PLCG2: variants seen among roughly 807,000 people sequenced by gnomAD.
PLCG2 encodes the protein phospholipase C gamma 2.
Under a neutral mutation model 175.6 loss-of-function variants are expected in PLCG2, and 69 were observed. The ratio of observed to expected loss-of-function variants is 0.39; its 90% confidence interval spans 0.32 to 0.48. PLCG2 has a LOEUF of 0.48. PLCG2 is among the 20% of genes least tolerant of loss of function. The pLI is 0.91. For missense variants in PLCG2, 1,798 were observed against 1,650.9 expected (o/e 1.09, Z -1.54); for synonymous variants, 827 against 624.0 (o/e 1.33, Z -4.85).
chr16:81,875,112 C>T (rs1907716390), intron 7 of PLCG2, among the ~76,000 whole-genome samples: 2 of 151,922 alleles, frequency 1.3e-5, no homozygotes, highest in South Asian at 2.1e-4. Context: ...TACAGGCATG[C>T]ACCATCACGC....
At chr16:81,839,365 AT>A in intron 2 of PLCG2, among the ~76,000 whole-genome samples, 1 of 152,190 alleles carries the variant, frequency 6.6e-6, no homozygotes, top group South Asian at 2.1e-4. Context: ...AAAAAAAAAA[AT>A]CTCTATATAG....
At chr16:81,740,750 A>AAAC (rs1909574286) in intron 1 of PLCG2, among the ~76,000 whole-genome samples, 3 of 144,970 alleles carry the variant, frequency 2.1e-5, no homozygotes, top group Admixed American at 7.0e-5. Context: ...AAAAAAAAAA[A>AAAC]AAAAAAAAAA....
At chr16:81,850,380 C>T (rs1906344907) in intron 2 of PLCG2, among the ~76,000 whole-genome samples, 2 of 152,148 alleles carry the variant, frequency 1.3e-5, no homozygotes, top group Admixed American at 1.3e-4. Context: ...AGTTTCAGTG[C>T]ACGAAAAGGA....
At chr16:81,877,943 C>G (rs971884382) in intron 7 of PLCG2, among the ~76,000 whole-genome samples, 1 of 146,094 alleles carries the variant, frequency 6.8e-6, no homozygotes, top group African/African-American at 2.5e-5. Context: ...GTGTGCTTCT[C>G]TGTCTCCAAA....
chr16:81,895,531 G>A lies in PLCG2; in HGVS notation c.1073-276G>A, dbSNP rs147905221. 4.4e-4 allele frequency: 159 copies of A among 360,918 alleles called. No individual in the cohort carries two copies. The East Asian group carries it at 8.5e-3, about 19-fold the overall frequency. 22.4% of individuals were successfully genotyped at this position (360,918 alleles called of 1,614,324 possible). On this transcript the variant is annotated intron_variant, in intron 12 of 32. Coordinates refer to ENST00000564138, the MANE Select transcript of PLCG2 (RefSeq NM_002661.5). ...GCCGAGATTGTGCCACTGCACTCCA[G>A]CCTGGGCAACAGAGCGAGACTCTGT...
chr16:81,901,234 G>A (rs1460936352), intron 14 of PLCG2, among the ~76,000 whole-genome samples: 7 of 152,172 alleles, frequency 4.6e-5, no homozygotes, highest in East Asian at 1.9e-4. Context: ...TGTGGGAGGC[G>A]GGCAGTTGCT....
chr16:81,843,438 T>A (rs181167432), intron 2 of PLCG2, among the ~76,000 whole-genome samples: 556 of 152,260 alleles, frequency 3.7e-3, no homozygotes, highest in African/African-American at 0.011. Context: ...TTGCAATATA[T>A]TACATCATAT....
chr16:81,766,537 C>CT (rs1372198307), intron 2 of PLCG2, among the ~76,000 whole-genome samples: 3 of 152,096 alleles, frequency 2.0e-5, no homozygotes, highest in African/African-American at 7.2e-5. Context: ...TCCAAGAAGC[C>CT]TTTGTGACCA....
intron 3 of PLCG2, among the ~76,000 whole-genome samples, chr16:81,857,259 T>C (rs1400165466): frequency 2.0e-5 from 3 of 152,210 alleles, no homozygotes; most frequent in Non-Finnish European, 4.4e-5. Flanking sequence ...TGAAAAGCCT[T>C]CAAGTGATTC....
At chr16:81,791,776 G>C (rs1486752763) in intron 2 of PLCG2, among the ~76,000 whole-genome samples, 3 of 152,132 alleles carry the variant, frequency 2.0e-5, no homozygotes, top group Non-Finnish European at 2.9e-5. Flanking sequence ...TGTTGGCCAG[G>C]CTGGTCTTGA....
intron 2 of PLCG2, among the ~76,000 whole-genome samples, chr16:81,770,432 G>T (rs753001127): frequency 4.3e-4 from 66 of 152,294 alleles, no homozygotes; most frequent in African/African-American, 1.6e-3. Flanking sequence ...TAATTTTTTG[G>T]CCTGGTGTGG....
chr16:81,843,042 G>T (rs1179466016), intron 2 of PLCG2, among the ~76,000 whole-genome samples: 2 of 150,446 alleles, frequency 1.3e-5, no homozygotes, highest in Non-Finnish European at 3.0e-5. Context: ...TGGGAAGGGG[G>T]TGGGGTTGTG....
At chr16:81,803,631 TC>T (rs55850521) in intron 2 of PLCG2, among the ~76,000 whole-genome samples, 1 of 52,352 alleles carries the variant, frequency 1.9e-5, no homozygotes, top group Non-Finnish European at 3.8e-5. Context: ...TTTCTTTTCT[TC>T]TTCCCTCCCT....
rs762278218 is a variant in PLCG2, at chr16:81,803,113, CTTTTTTT to C, written c.193+16946_193+16952del. ...ACAATACATGGCTTTTTGCATTTCA[CTTTTTTT>C]TTTTTTTTTTTTTTGTGAGACGGAA... On this transcript the variant is annotated intron_variant, in intron 2 of 32. Transcript: ENST00000564138. 6.3e-3 allele frequency among the ~76,000 whole-genome samples: 824 copies of C among 131,390 alleles called. 4 individuals carry two copies. Among genetic ancestry groups the C allele is most frequent in the Middle Eastern group, 0.012 (3 of 248 alleles). The allele number at this position is 131,390 out of a possible 152,430, so 86.2% of individuals were successfully genotyped here.
chr16:81,821,870 TG>T (rs1161901811), intron 2 of PLCG2, among the ~76,000 whole-genome samples: 8 of 149,252 alleles, frequency 5.4e-5, no homozygotes, highest in African/African-American at 2.5e-5. Flanking sequence ...AGATCCAAGA[TG>T]TTTTTTTTTT....
Position 81,935,861 on chromosome 16 carries a change from C to T in PLCG2, c.2843-308C>T, listed in dbSNP as rs1316191194. The T allele has an allele frequency of 7.1e-6, 7 of 985,108 alleles. No individual in the cohort carries two copies. The East Asian group carries it at 6.8e-4, about 96-fold the overall frequency. The allele number at this position is 985,108 out of a possible 1,614,324, so 61.0% of individuals were successfully genotyped here. On this transcript the variant is annotated intron_variant, in intron 26 of 32. Transcript: ENST00000564138. ...CAAAACCATTCCCATTCTCCCTCTT[C>T]TATAACTGTACCACTTTTGTGTTTT...
intron 2 of PLCG2, among the ~76,000 whole-genome samples, chr16:81,818,321 C>T (rs759005704): frequency 9.2e-5 from 14 of 152,148 alleles, no homozygotes; most frequent in Non-Finnish European, 1.9e-4. Flanking sequence ...TCTTTGGGAG[C>T]ATTGTCATAT....
chr16:81,776,086 TC>T (rs1910396395), upstream of PLCG2, among the ~76,000 whole-genome samples: 2 of 40,156 alleles, frequency 5.0e-5, no homozygotes, highest in African/African-American at 1.4e-4. Flanking sequence ...TCTCTCTCTC[TC>T]TCTTTCTTTC....
At chr16:81,833,118 C>A (rs764096746) in intron 2 of PLCG2, among the ~76,000 whole-genome samples, 1 of 152,114 alleles carries the variant, frequency 6.6e-6, no homozygotes. Flanking sequence ...CTGGCACCCA[C>A]CTCGCAGAAC....
Sources: allele counts gnomAD v4.1 joint callset (sites outside exome capture counted in the v4.1 genomes callset), GRCh38; gene constraint gnomAD v4.1.1; transcripts MANE v1.5; gene names NCBI Gene and HGNC (gene_info 2026-07-23, HGNC 2026-07-21).